Variants in B3GALT1 observed in about 807,000 individuals in gnomAD.
The protein encoded by B3GALT1 is UDP-Gal:betaGlcNAc beta 1,3-galactosyltransferase, polypeptide 1.
Under a neutral mutation model 23.2 loss-of-function variants are expected in B3GALT1, and 10 were observed. The ratio of observed to expected loss-of-function variants is 0.43; its 90% CI spans 0.27 to 0.73. The LOEUF (loss-of-function observed/expected upper bound fraction) is 0.73, where lower values mean the gene tolerates loss of function less well. Among genes scored for constraint, B3GALT1 ranks in the 30% least tolerant of loss-of-function variants. The pLI, the probability that B3GALT1 is intolerant of heterozygous loss-of-function variation, is 0.21. For synonymous variants in B3GALT1, 156 were observed against 141.5 expected (o/e 1.10, Z -0.73); for missense variants, 299 against 405.4 (o/e 0.74, Z 2.25).
chr2:167,620,525 A>T (rs1685236618), intron 2 of B3GALT1, among the ~76,000 whole-genome samples: 1 of 152,102 alleles, frequency 6.6e-6, no homozygotes, highest in Non-Finnish European at 1.5e-5. Flanking sequence ...TGCAAATTTT[A>T]TATTTATATT....
chr2:167,788,655 A>G (rs1206466717), intron 3 of B3GALT1, among the ~76,000 whole-genome samples: 7 of 152,044 alleles, frequency 4.6e-5, no homozygotes, highest in Non-Finnish European at 8.8e-5. Flanking sequence ...CTCCTTGCCC[A>G]CCACTCACCT....
chr2:167,795,224 T>C (rs753175981), intron 3 of B3GALT1, among the ~76,000 whole-genome samples: 1 of 152,176 alleles, frequency 6.6e-6, no homozygotes, highest in Admixed American at 6.5e-5. Context: ...GTAGAAGATA[T>C]GTGGTTAAGA....
intron 3 of B3GALT1, among the ~76,000 whole-genome samples, chr2:167,751,252 T>C (rs1227630209): frequency 6.6e-6 from 1 of 152,180 alleles, no homozygotes; most frequent in African/African-American, 2.4e-5. Context: ...GAGAAAGTGT[T>C]GTGGCTCCTT....
intron 4 of B3GALT1, among the ~76,000 whole-genome samples, chr2:167,836,397 C>T (rs1261787428): frequency 5.4e-5 from 8 of 146,938 alleles, no homozygotes; most frequent in East Asian, 4.0e-4. Context: ...CCTCAGGAGC[C>T]GATGCGATCA....
At chr2:167,774,162 G>T (rs1448891011) in intron 3 of B3GALT1, among the ~76,000 whole-genome samples, 1 of 152,138 alleles carries the variant, frequency 6.6e-6, no homozygotes, top group African/African-American at 2.4e-5. Flanking sequence ...TTTCTATTTT[G>T]TGTAAGAATC....
At chr2:167,342,433 CA>C (rs1035793713) in intron 1 of B3GALT1, among the ~76,000 whole-genome samples, 1 of 151,556 alleles carries the variant, frequency 6.6e-6, no homozygotes, top group African/African-American at 2.4e-5. Flanking sequence ...ACTAAAAATA[CA>C]AAAAAATTAG....
intron 1 of B3GALT1, among the ~76,000 whole-genome samples, chr2:167,382,836 C>T (rs1697864400): frequency 6.6e-6 from 1 of 152,136 alleles, no homozygotes; most frequent in Non-Finnish European, 1.5e-5. Flanking sequence ...AGAGGCTGTA[C>T]TTTATGCCTT....
rs1394285746 is a variant in B3GALT1 at position 167,434,046 on chromosome 2, TAAAAC to T, written c.-510-56128_-510-56124del. On this transcript the variant is annotated intron_variant, in intron 1 of 4. Transcript: ENST00000392690. ...AGAGCAAGATTCTATCATAAATAAA[TAAAAC>T]AACCATGTAATGGAAGGAAACATGT... 2.6e-5 allele frequency among the ~76,000 whole-genome samples: 4 copies of T among 151,636 alleles called. No individual in the cohort carries two copies. The South Asian group carries it at 6.3e-4, about 24-fold the overall frequency.
At chr2:167,318,055 C>T (rs187165979) in intron 1 of B3GALT1, among the ~76,000 whole-genome samples, 3 of 152,168 alleles carry the variant, frequency 2.0e-5, no homozygotes, top group Admixed American at 6.5e-5. Context: ...GGGCCGGACG[C>T]GGTGGCTCAC....
At chr2:167,796,093 T>A (rs1688542784) in intron 3 of B3GALT1, among the ~76,000 whole-genome samples, 1 of 152,212 alleles carries the variant, frequency 6.6e-6, no homozygotes, top group African/African-American at 2.4e-5. Context: ...CAAAAATCAT[T>A]CCAGAACTTA....
intron 3 of B3GALT1, among the ~76,000 whole-genome samples, chr2:167,703,333 A>G (rs1410809632): frequency 2.0e-5 from 3 of 152,172 alleles, no homozygotes; most frequent in Non-Finnish European, 4.4e-5. Context: ...TTAGATGCCT[A>G]GAAGGTATGC....
intron 1 of B3GALT1, among the ~76,000 whole-genome samples, chr2:167,457,310 C>T (rs938245608): frequency 1.3e-5 from 2 of 151,934 alleles, no homozygotes; most frequent in Admixed American, 1.3e-4. Context: ...GTAGCTGGGA[C>T]TACAGGTGCA....
intron 3 of B3GALT1, among the ~76,000 whole-genome samples, chr2:167,729,898 C>A (rs1036605281): frequency 2.0e-5 from 3 of 152,142 alleles, no homozygotes; most frequent in African/African-American, 7.2e-5. Flanking sequence ...GCCAAGCCCA[C>A]CACAGGTCTT....
At chr2:167,558,987 G>C (rs1683909460) in intron 2 of B3GALT1, among the ~76,000 whole-genome samples, 1 of 152,216 alleles carries the variant, frequency 6.6e-6, no homozygotes, top group Admixed American at 6.5e-5. Flanking sequence ...GGAGATCTGA[G>C]AACGGGCAGA....
chr2:167,614,765 G>A (rs1194522654), intron 2 of B3GALT1, among the ~76,000 whole-genome samples: 1 of 151,878 alleles, frequency 6.6e-6, no homozygotes, highest in Non-Finnish European at 1.5e-5. Context: ...AAATGCAAAT[G>A]CAAAATGTGA....
At chr2:167,572,140 G>A (rs1025558789) in intron 2 of B3GALT1, among the ~76,000 whole-genome samples, 2 of 151,466 alleles carry the variant, frequency 1.3e-5, no homozygotes, top group African/African-American at 4.8e-5. Context: ...GTAAAGGGAA[G>A]AACAATAATT....
At chr2:167,487,512 A>G (rs1699645299) in intron 1 of B3GALT1, among the ~76,000 whole-genome samples, 1 of 152,164 alleles carries the variant, frequency 6.6e-6, no homozygotes, top group Admixed American at 6.5e-5. Flanking sequence ...ATAACTCTTT[A>G]TATGGTTCAT....
At chr2:167,547,180 A>C (rs536426133) in intron 2 of B3GALT1, among the ~76,000 whole-genome samples, 3 of 152,158 alleles carry the variant, frequency 2.0e-5, no homozygotes, top group African/African-American at 7.2e-5. Context: ...TGCTACTACT[A>C]AAACCTTCCA....
chr2:167,446,513 G>A (rs530684207), intron 1 of B3GALT1, among the ~76,000 whole-genome samples: 28 of 152,172 alleles, frequency 1.8e-4, no homozygotes, highest in Non-Finnish European at 3.1e-4. Context: ...GTCAGACATA[G>A]ATTTGGTCTT....
Sources: allele counts gnomAD v4.1 joint callset (sites outside exome capture counted in the v4.1 genomes callset), GRCh38; gene constraint gnomAD v4.1.1; transcripts MANE v1.5; gene names NCBI Gene and HGNC (gene_info 2026-07-23, HGNC 2026-07-21).